The following LINS1 variants were observed in gnomAD, a reference collection of about 807,000 sequenced individuals.
LINS1 encodes the protein protein Lines homolog 1.
A neutral mutation model predicts 41.6 loss-of-function variants in LINS1; 27 were observed. The ratio of observed to expected loss-of-function variants is 0.65; its 90% CI spans 0.48 to 0.89. The LOEUF is 0.89. LINS1 is among the 40% of genes least tolerant of loss of function. The pLI, the probability that LINS1 is intolerant of heterozygous loss-of-function variation, is 0.00. For missense variants in LINS1, 955 were observed against 884.1 expected (o/e 1.08, Z -1.02); for synonymous variants, 336 against 312.9 (o/e 1.07, Z -0.78).
intron 5 of LINS1, 81 bp downstream of exon 5, chr15:100,573,570 G>T: frequency 1.1e-6 from 1 of 941,214 alleles, no homozygotes; most frequent in Non-Finnish European, 1.7e-6. Flanking sequence ...ATTTAAACTA[G>T]TCCTGAGATT....
At chr15:100,580,157 T>G in intron 3 of LINS1, 106 bp downstream of exon 3, 11 of 878,606 alleles carry the variant, frequency 1.3e-5, no homozygotes, top group Non-Finnish European at 1.8e-5. Context: ...CCCAGAAGTT[T>G]GAGATCAGAT....
intron 1 of LINS1, among the ~76,000 whole-genome samples, chr15:100,597,266 C>CTT (rs377527268): frequency 3.5e-5 from 5 of 142,976 alleles, no homozygotes; most frequent in Non-Finnish European, 3.1e-5. Context: ...AAAGGCAAAT[C>CTT]TTTTTTTTTT....
chr15:100,579,184 T>C (rs1438077198), intron 3 of LINS1, among the ~76,000 whole-genome samples: 3 of 147,344 alleles, frequency 2.0e-5, no homozygotes, highest in Non-Finnish European at 3.0e-5. Context: ...TAAAAATATA[T>C]ATATAAAAAA....
chr15:100,598,785 T>G (rs967017179), intron 1 of LINS1, among the ~76,000 whole-genome samples: 8 of 152,238 alleles, frequency 5.3e-5, no homozygotes, highest in Non-Finnish European at 1.0e-4. Context: ...CATCTGTCTT[T>G]ATGGTGGCCC....
At chr15:100,591,256 G>A (rs539828851) in intron 1 of LINS1, among the ~76,000 whole-genome samples, 13 of 152,292 alleles carry the variant, frequency 8.5e-5, no homozygotes, top group African/African-American at 2.2e-4. Context: ...ATGGTTGCAC[G>A]CAGCCATCTC....
chr15:100,595,417 T>C lies in LINS1; in HGVS notation c.-104+6704A>G, dbSNP rs2039203244. Among the ~76,000 whole-genome samples, 6 of 151,776 alleles carry C rather than the reference T, an allele frequency of 4.0e-5. No homozygotes were observed. In the South Asian group the frequency reaches 1.3e-3, roughly 32 times the overall value. On this transcript the variant is annotated intron_variant, in intron 1 of 6. Coordinates refer to ENST00000314742, the MANE Select transcript of LINS1 (RefSeq NM_001040616.3). ...AAGAGGATATAAAGATGGCAAATAA[T>C]CCCACAGAAAGATGCTTAACCATAT...
chr15:100,594,592 C>G (rs1225820258), intron 1 of LINS1, among the ~76,000 whole-genome samples: 1 of 152,182 alleles, frequency 6.6e-6, no homozygotes, highest in African/African-American at 2.4e-5. Context: ...AATCTACACA[C>G]ATCCTCCTAG....
At position 100,572,015 on chromosome 15, in the gene LINS1, G is replaced by C; in HGVS notation, c.1273C>G (p.Leu425Val). Residue 425 changes from leucine (L) to valine (V), a missense_variant, in exon 6 of 7, where the codon CTT becomes GTT. Coordinates refer to ENST00000314742, the MANE Select transcript of LINS1 (RefSeq NM_001040616.3). ...TTGTGTAATTGCAGAGAGGGCTGAA[G>C]ATGAGGCTTTAAGAAGGTCAGTAAC... ...SELLTFLKPH[L>V]QPSLQLHNPC... The C allele has an allele frequency of 6.2e-7, 1 of 1,614,208 alleles. No individual in the cohort carries two copies. The highest frequency in any genetic ancestry group is 8.5e-7 in the Non-Finnish European group (1 of 1,180,034).
chr15:100,569,135 A>AG lies in LINS1; in HGVS notation c.*102_*103insC, dbSNP rs1359302337. 5.0e-6 allele frequency: 4 copies of AG among 795,748 alleles called. No homozygotes were observed. Among genetic ancestry groups the AG allele is most frequent in the Non-Finnish European group, 7.9e-6 (4 of 504,546 alleles). The allele number at this position is 795,748 out of a possible 1,614,324, so 49.3% of individuals were successfully genotyped here. A position where few individuals can be genotyped will look rare whatever the true frequency, so the allele number is the denominator to read the frequency against. The stretch of plus-strand genomic sequence containing the variant: ...GAGATTCTGTCTCAAAAAAAAAAAA[A>AG]AAAAAGAAAACCCTTTTATGGTGAT... On this transcript the variant is annotated 3_prime_UTR_variant, in exon 7 of 7. Coordinates refer to ENST00000314742, the MANE Select transcript of LINS1 (RefSeq NM_001040616.3).
At chr15:100,600,214 C>T (rs941303498) in intron 1 of LINS1, among the ~76,000 whole-genome samples, 1 of 152,034 alleles carries the variant, frequency 6.6e-6, no homozygotes. Flanking sequence ...GTTGAAGAAG[C>T]AAAAAGAGAA....
At chr15:100,591,143 C>CTCCA (rs1420575784) in intron 1 of LINS1, among the ~76,000 whole-genome samples, 8 of 152,154 alleles carry the variant, frequency 5.3e-5, no homozygotes, top group Non-Finnish European at 8.8e-5. Flanking sequence ...TGCCATTGCA[C>CTCCA]TCCAGCCTGG....
Position 100,575,117 on chromosome 15 carries a change from A to G in LINS1, c.501T>C (p.Ser167=). The G allele has an allele frequency of 6.2e-7, 1 of 1,611,596 alleles. No homozygotes were observed. Residue 167 remains serine, a synonymous_variant, in exon 4 of 7, where the codon AGT becomes AGC. Transcript: ENST00000314742. ...TCTGGCAAAAAGCAATCCAGGAATT[A>G]CTTAAGGTTATCTACAAGTGAGAAA... ...YFQLREKITL[S]NSWIAFCQKN...
chr15:100,576,793 C>T (rs1369732986), intron 3 of LINS1: 1 of 152,146 alleles, frequency 6.6e-6, no homozygotes, highest in Admixed American at 6.5e-5. Context: ...CTGGCAAAAC[C>T]AAATCCGGCA....
intron 5 of LINS1, chr15:100,572,480 A>G (rs943681790): frequency 1.2e-5 from 13 of 1,062,196 alleles, no homozygotes; most frequent in Middle Eastern, 4.6e-4. Flanking sequence ...ACAGAAAAAC[A>G]TATTTTTTGT....
chr15:100,601,861 T>A (rs2039512554), intron 1 of LINS1, among the ~76,000 whole-genome samples: 1 of 152,076 alleles, frequency 6.6e-6, no homozygotes, highest in African/African-American at 2.4e-5. Flanking sequence ...GTCATCGCTA[T>A]CCCAAAGAGA....
intron 1 of LINS1, among the ~76,000 whole-genome samples, chr15:100,589,993 C>T (rs2038963536): frequency 6.6e-6 from 1 of 152,166 alleles, no homozygotes; most frequent in Non-Finnish European, 1.5e-5. Flanking sequence ...ATCCACATTG[C>T]AGCAAAACTT....
chr15:100,577,776 C>G (rs1325076713), intron 3 of LINS1, among the ~76,000 whole-genome samples: 1 of 152,146 alleles, frequency 6.6e-6, no homozygotes, highest in Non-Finnish European at 1.5e-5. Context: ...TCCAACTATA[C>G]TACAAGGCTA....
At chr15:100,579,471 A>G (rs1009270797) in intron 3 of LINS1, among the ~76,000 whole-genome samples, 28 of 143,486 alleles carry the variant, frequency 2.0e-4, no homozygotes, top group Non-Finnish European at 1.0e-4. Context: ...GACAGTAAAG[A>G]AAAAAAAAAG....
chr15:100,576,255 C>T (rs1203940473), intron 3 of LINS1, among the ~76,000 whole-genome samples: 3 of 151,884 alleles, frequency 2.0e-5, no homozygotes, highest in African/African-American at 7.3e-5. Context: ...TTGAAAAGAC[C>T]AACAAAATTG....
Sources: allele counts gnomAD v4.1 joint callset (sites outside exome capture counted in the v4.1 genomes callset), GRCh38; gene constraint gnomAD v4.1.1; transcripts MANE v1.5; gene names NCBI Gene and HGNC (gene_info 2026-07-23, HGNC 2026-07-21).